Variants in SNAPC4 observed in about 807,000 individuals in gnomAD.
SNAPC4 encodes snRNA-activating protein complex subunit 4.
SNAPC4 carries 127 observed loss-of-function variants against 151.3 expected under a neutral mutation model. The ratio of observed to expected loss-of-function variants is 0.84; its 90% confidence interval spans 0.73 to 0.97. The LOEUF (loss-of-function observed/expected upper bound fraction) is 0.97, where lower values mean the gene tolerates loss of function less well. Among genes scored for constraint, SNAPC4 ranks in the 50% least tolerant of loss-of-function variants. SNAPC4 has a pLI of 0.00. For synonymous variants in SNAPC4, 1,002 were observed against 824.4 expected (o/e 1.22, Z -3.69); for missense variants, 2,186 against 1,935.0 (o/e 1.13, Z -2.43).
At chr9:136,395,039 A>G (rs1427078628) in intron 5 of SNAPC4, among the ~76,000 whole-genome samples, 161 bp from the exon 6 acceptor site, 1 of 152,182 alleles carries the variant, frequency 6.6e-6, no homozygotes, top group African/African-American at 2.4e-5. Flanking sequence ...CACTCCATGA[A>G]GCCTGATGAG....
chr9:136,392,709 T>A lies in SNAPC4; in HGVS notation c.701A>T (p.Gln234Leu). The change falls in exon 8 of 24, where the codon CAG (glutamine) becomes CTG (leucine). Residue 234 changes from glutamine to leucine, a missense_variant. Physicochemically the swap from Gln to Leu is moderately radical, Grantham distance 113. Transcript: ENST00000684778. The stretch of plus-strand genomic sequence containing the variant: ...GATCTCCTTCTCGGCTTCCCTGCCC[T>A]GCTTCTCCAGGGCTTGCCTCTCCAG... ...SELERQALEKQGREAEKEIQD... is the reference protein window; with the variant it reads ...SELERQALEKLGREAEKEIQD... 1 of 1,613,772 alleles carries A rather than the reference T, an allele frequency of 6.2e-7. No homozygotes were observed. Among genetic ancestry groups the A allele is most frequent in the Non-Finnish European group, 8.5e-7 (1 of 1,180,026 alleles).
At position 136,378,935 on chromosome 9, in the gene SNAPC4, G is replaced by A; in HGVS notation, c.2892C>T (p.Gly964=). 1 of 1,610,622 alleles carries A rather than the reference G, an allele frequency of 6.2e-7. No homozygotes were observed. The highest frequency in any genetic ancestry group is 1.1e-5 in the South Asian group (1 of 90,476). ...GPGAPAAAKP[G]TSGSWQEAGT... ...CAGCCTCCTGCCAGGAGCCAGAAGT[G>A]CCAGGTTTGGCTGCCGCGGGGGCCC... The change falls in exon 22 of 24, where the codon GGC becomes GGT. Residue 964 remains glycine (G), a synonymous_variant. Transcript: ENST00000684778.
Position 136,394,968 on chromosome 9 carries a change from G to A in SNAPC4, c.472-90C>T, listed in dbSNP as rs556626509. 1.3e-5 allele frequency: 15 copies of A among 1,177,132 alleles called. No individual in the cohort carries two copies. The African/African-American group carries it at 1.5e-4, about 12-fold the overall frequency. The allele number at this position is 1,177,132 out of a possible 1,614,324, so 72.9% of individuals were successfully genotyped here. A position where few individuals can be genotyped will look rare whatever the true frequency, so the allele number is the denominator to read the frequency against. On this transcript the variant is annotated intron_variant, in intron 5 of 23. Coordinates refer to ENST00000684778, the MANE Select transcript of SNAPC4 (RefSeq NM_003086.4). The stretch of plus-strand genomic sequence containing the variant: ...CCCTCCAGAGCCCACAAAAGGACTC[G>A]GGCTCCCCCTGCCTCCTGTTCTCCC...
intron 10 of SNAPC4, among the ~76,000 whole-genome samples, chr9:136,390,821 G>A (rs867503453): frequency 4.0e-5 from 6 of 151,648 alleles, no homozygotes; most frequent in Middle Eastern, 6.8e-3. Context: ...AAGAAAAACC[G>A]ATTTGTATTT....
In SNAPC4 at chr9:136,379,577, G is replaced by C. The variant is rs546580503; in HGVS notation, c.2527+260C>G. 5.3e-5 allele frequency among the ~76,000 whole-genome samples: 8 copies of C among 152,328 alleles called. 1 individual carries two copies. Among genetic ancestry groups the C allele is most frequent in the Middle Eastern group, 6.8e-3 (2 of 294 alleles). ...GCCCAGCTTGCCGGTGTTGGGCATG[G>C]GCGGACGCTCGCTCCAGACGACCCC... On this transcript the variant is annotated intron_variant, in intron 21 of 23. Transcript: ENST00000684778.
rs144035317 is a variant in SNAPC4, at chr9:136,398,350, C to T, written c.79G>A (p.Gly27Ser). 10 of 1,613,950 alleles carry T rather than the reference C, an allele frequency of 6.2e-6. No homozygotes were observed. The highest frequency in any genetic ancestry group is 7.6e-6 in the Non-Finnish European group (9 of 1,179,910). Residue 27 changes from glycine to serine, a missense_variant, in exon 2 of 24, where the codon GGC becomes AGC. Physicochemically the swap from Gly to Ser is moderately conservative, Grantham distance 56 (BLOSUM62 0). Transcript: ENST00000684778. ...GATTCTGAGATCTCCACGTGGGAGCCCGAGGAGCCGGGATCCAAAATCCTT... is the reference window on the plus strand; with the variant it reads ...GATTCTGAGATCTCCACGTGGGAGCTCGAGGAGCCGGGATCCAAAATCCTT... ...LERILDPGSS[G>S]SHVEISESSL...
rs140927965 is a variant in SNAPC4, at chr9:136,381,392, G to A, written c.2318C>T (p.Ala773Val). Residue 773 changes from alanine to valine, a missense_variant and splice_region_variant, in exon 19 of 24, where the codon GCG becomes GTG. Transcript: ENST00000684778. ...CTGCAGCTGCTCCCTGAGGCCATCC[G>A]CTGCGGGCACAGGGGGATAAGTGGA... Reference protein sequence around the residue: ...SQRPAVVQTQADGLREQLQQA... With the variant: ...SQRPAVVQTQVDGLREQLQQA... The A allele has an allele frequency of 8.8e-5, 142 of 1,611,898 alleles. 1 individual carries two copies. Among genetic ancestry groups the A allele is most frequent in the South Asian group, 2.7e-4 (25 of 91,078 alleles).
Position 136,376,490 on chromosome 9 carries a change from A to T in SNAPC4, c.4285-9T>A. On this transcript the variant is annotated splice_polypyrimidine_tract_variant and intron_variant, in intron 22 of 23. Coordinates refer to ENST00000684778, the MANE Select transcript of SNAPC4 (RefSeq NM_003086.4). ...CCAGAGTCTGGGGCTCCCTGAAAGA[A>T]AATCCAGGCAGTGGGGACAAGAGTG... 6.2e-7 allele frequency: 1 copy of T among 1,612,862 alleles called. No homozygotes were observed. The highest frequency in any genetic ancestry group is 8.5e-7 in the Non-Finnish European group (1 of 1,179,712).
At chr9:136,389,964 A>C (rs1834011974) in intron 10 of SNAPC4, among the ~76,000 whole-genome samples, 1 of 152,216 alleles carries the variant, frequency 6.6e-6, no homozygotes. Flanking sequence ...TTAACAGAGA[A>C]GCATGTCTGA....
chr9:136,387,975 G>C (rs578050291), intron 11 of SNAPC4, 127 bp from the exon 12 acceptor site: 8 of 657,778 alleles, frequency 1.2e-5, no homozygotes, highest in Non-Finnish European at 1.9e-5. Context: ...ACATAGAAAA[G>C]AATCACTTTG....
intron 1 of SNAPC4, chr9:136,398,749 G>A: frequency 3.8e-6 from 1 of 259,976 alleles, no homozygotes; most frequent in Non-Finnish European, 7.6e-6. Context: ...TCCCGTCTCT[G>A]CTCCCACACC....
At chr9:136,386,196 CT>C (rs1357298395) in intron 13 of SNAPC4, among the ~76,000 whole-genome samples, 1 of 151,026 alleles carries the variant, frequency 6.6e-6, no homozygotes, top group Non-Finnish European at 1.5e-5. Flanking sequence ...GTGGTTTTGA[CT>C]TGCACTTCCC....
At chr9:136,399,661 C>A (rs1400636844) in intron 1 of SNAPC4, among the ~76,000 whole-genome samples, 1 of 152,190 alleles carries the variant, frequency 6.6e-6, no homozygotes, top group East Asian at 1.9e-4. Flanking sequence ...GTCCCTCCAG[C>A]CCCAGCTGCG....
intron 7 of SNAPC4, among the ~76,000 whole-genome samples, chr9:136,393,283 C>A (rs1206552297): frequency 6.6e-6 from 1 of 152,200 alleles, no homozygotes; most frequent in East Asian, 1.9e-4. Flanking sequence ...GACCCGGGAC[C>A]CCTGGCATGG....
chr9:136,386,111 GT>G (rs1833879133), intron 13 of SNAPC4, among the ~76,000 whole-genome samples: 1 of 150,364 alleles, frequency 6.7e-6, no homozygotes, highest in African/African-American at 2.5e-5. Context: ...ACGCACAAAG[GT>G]TTCAATTTCT....
chr9:136,384,017 AT>A lies in SNAPC4; in HGVS notation c.1435del (p.Ile479Ter), dbSNP rs1833806120. The A allele has an allele frequency of 6.2e-7, 1 of 1,613,636 alleles. No individual in the cohort carries two copies. ...EKYGVGHWAK[I>X]ASELPHRSGS... is the part of the protein sequence containing the mutation. Reference sequence around the variant, plus strand: ...AGACCGATGGGGCAGCTCAGAAGCTATTTTTGCCCAGTGACCTGCAAAAGCC... The same window carrying A: ...AGACCGATGGGGCAGCTCAGAAGCTATTTTGCCCAGTGACCTGCAAAAGCC... On this transcript the variant is annotated frameshift_variant, in exon 15 of 24. Coordinates refer to ENST00000684778, the MANE Select transcript of SNAPC4 (RefSeq NM_003086.4). LOFTEE classifies it high-confidence loss of function.
At chr9:136,393,236 CCCTGA>C (rs1834143682) in intron 7 of SNAPC4, among the ~76,000 whole-genome samples, 1 of 152,248 alleles carries the variant, frequency 6.6e-6, no homozygotes, top group Admixed American at 6.5e-5. Flanking sequence ...TCACTGCAAA[CCCTGA>C]CCATGCACAT....
rs4266763 is a variant in SNAPC4 at position 136,395,373 on chromosome 9, A to G, written c.396T>C (p.Asp132=). The G allele has an allele frequency of 0.41, 665,638 of 1,612,434 alleles. 139,691 individuals carry two copies. The highest frequency in any genetic ancestry group is 0.52 in the Admixed American group (31,372 of 59,904). The change falls in exon 5 of 24, where the codon GAT becomes GAC. Residue 132 remains aspartate, a synonymous_variant. Transcript: ENST00000684778. ...ATGTGCTTGGGGGCAGGCTTTTGCC[A>G]TCTTTCACCTTGGTGCCTTTGGACC... The part of the protein sequence containing the change: ...LAGSKGTKVK[D]GKSLPPSTYM...
At position 136,392,707 on chromosome 9, in the gene SNAPC4, C is replaced by T. The variant is rs149395739; in HGVS notation, c.703G>A (p.Gly235Ser). The change falls in exon 8 of 24, where the codon GGC (glycine) becomes AGC (serine). Residue 235 changes from glycine to serine, a missense_variant. Coordinates refer to ENST00000684778, the MANE Select transcript of SNAPC4 (RefSeq NM_003086.4). ...TGGATCTCCTTCTCGGCTTCCCTGCCCTGCTTCTCCAGGGCTTGCCTCTCC... is the reference window on the plus strand; with the variant it reads ...TGGATCTCCTTCTCGGCTTCCCTGCTCTGCTTCTCCAGGGCTTGCCTCTCC... Reference protein sequence around the residue: ...ELERQALEKQGREAEKEIQDI... With the variant: ...ELERQALEKQSREAEKEIQDI... 16 of 1,613,664 alleles carry T rather than the reference C, an allele frequency of 9.9e-6. No homozygotes were observed. Among genetic ancestry groups the T allele is most frequent in the African/African-American group, 1.3e-5 (1 of 74,940 alleles).
Sources: gnomAD v4.1 joint callset for allele counts (sites outside exome capture counted in the v4.1 genomes callset) on GRCh38, gnomAD v4.1.1 for gene constraint, MANE v1.5 for transcripts, NCBI Gene and HGNC (gene_info 2026-07-23, HGNC 2026-07-21) for gene names.